The following CNTNAP2 variants were observed in gnomAD, a reference collection of about 807,000 sequenced individuals.
The protein encoded by CNTNAP2 is contactin-associated protein-like 2.
CNTNAP2 carries 98 observed loss-of-function variants against 155.2 expected under a neutral mutation model. The ratio of observed to expected loss-of-function variants is 0.63; its 90% CI spans 0.54 to 0.75. CNTNAP2 has a LOEUF of 0.75. Among genes scored for constraint, CNTNAP2 ranks in the 30% least tolerant of loss-of-function variants. CNTNAP2 has a pLI of 0.00. For synonymous variants in CNTNAP2, 651 were observed against 631.2 expected, an observed-to-expected ratio of 1.03 and a Z score of -0.47; for missense variants, 1,727 against 1,688.1, an observed-to-expected ratio of 1.02 and a Z score of -0.40.
At chr7:147,929,486 T>C (rs1388371156) in intron 14 of CNTNAP2, among the ~76,000 whole-genome samples, 2 of 152,176 alleles carry the variant, frequency 1.3e-5, no homozygotes, top group Non-Finnish European at 2.9e-5. Context: ...TATGAAATAA[T>C]GTGATTTAAA....
intron 10 of CNTNAP2, among the ~76,000 whole-genome samples, chr7:147,448,676 A>T (rs1002899474): frequency 6.6e-6 from 1 of 152,018 alleles, no homozygotes; most frequent in Non-Finnish European, 1.5e-5. Context: ...GGTCATATAC[A>T]TATACACAAC....
chr7:146,858,010 G>A lies in CNTNAP2; in HGVS notation c.402+18106G>A, dbSNP rs542739641. ...CACACTTATCAGAATAAGTTTGAAAGTGGAAAGAAAGAAGACGTGACATTA... is the reference window on the plus strand; with the variant it reads ...CACACTTATCAGAATAAGTTTGAAAATGGAAAGAAAGAAGACGTGACATTA... On this transcript the variant is annotated intron_variant, in intron 3 of 23. Coordinates refer to ENST00000361727, the MANE Select transcript of CNTNAP2 (RefSeq NM_014141.6). 2.0e-5 allele frequency among the ~76,000 whole-genome samples: 3 copies of A among 152,322 alleles called. No homozygotes were observed. The South Asian group carries it at 6.2e-4, about 32-fold the overall frequency.
intron 11 of CNTNAP2, among the ~76,000 whole-genome samples, chr7:147,523,332 A>G: frequency 6.6e-6 from 1 of 152,190 alleles, no homozygotes; most frequent in East Asian, 1.9e-4. Flanking sequence ...AGAGAGAATG[A>G]ATGCACAAAA....
At chr7:147,097,406 A>G (rs76993378) in intron 4 of CNTNAP2, 4,831 of 152,340 alleles carry the variant, frequency 0.032, 145 homozygotes, top group African/African-American at 0.075. Flanking sequence ...GGCACTTTAC[A>G]AAAGAAAGAG....
At chr7:146,255,702 G>T (rs1799826518) in intron 1 of CNTNAP2, among the ~76,000 whole-genome samples, 1 of 152,182 alleles carries the variant, frequency 6.6e-6, no homozygotes, top group Non-Finnish European at 1.5e-5. Flanking sequence ...TCGTTCAGAG[G>T]TGGTATAATT....
rs144881529 is a variant in CNTNAP2, at chr7:147,004,314, C to T, written c.403-39593C>T. On this transcript the variant is annotated intron_variant, in intron 3 of 23. Transcript: ENST00000361727. Reference sequence around the variant, plus strand: ...ATAGATTGGGATAATATAATTGAAACTTAAACAACAAATGAAATATTTATT... The same window carrying T: ...ATAGATTGGGATAATATAATTGAAATTTAAACAACAAATGAAATATTTATT... 7.8e-3 allele frequency among the ~76,000 whole-genome samples: 1,155 copies of T among 148,424 alleles called. 14 individuals carry two copies. Among genetic ancestry groups the T allele is most frequent in the African/African-American group, 0.028 (1,116 of 40,496 alleles).
chr7:148,263,771 T>G (rs961141038), intron 20 of CNTNAP2, among the ~76,000 whole-genome samples: 4 of 151,368 alleles, frequency 2.6e-5, no homozygotes, highest in Admixed American at 6.6e-5. Context: ...AAAGTTTATA[T>G]AAATAAATGT....
Position 147,118,869 on chromosome 7 carries a change from A to C in CNTNAP2, c.755-2110A>C, listed in dbSNP as rs73471032. 6.4e-3 allele frequency among the ~76,000 whole-genome samples: 977 copies of C among 152,320 alleles called. 9 individuals are homozygous for C. Among genetic ancestry groups the C allele is most frequent in the African/African-American group, 0.022 (932 of 41,582 alleles). On this transcript the variant is annotated intron_variant, in intron 5 of 23. Transcript: ENST00000361727. ...CATGACTGTTTGTGGAAAACATATG[A>C]AAGAAAATAGACCAAATTATTTTTA...
intron 1 of CNTNAP2, among the ~76,000 whole-genome samples, chr7:146,525,872 T>C: frequency 6.6e-6 from 1 of 152,122 alleles, no homozygotes; most frequent in Non-Finnish European, 1.5e-5. Context: ...CATGATAATG[T>C]TTGTCATAAA....
intron 5 of CNTNAP2, among the ~76,000 whole-genome samples, chr7:147,117,718 T>C (rs566047810): frequency 2.0e-5 from 3 of 152,276 alleles, no homozygotes; most frequent in Non-Finnish European, 4.4e-5. Context: ...TATATTAACT[T>C]TTATTACTTT....
At chr7:147,508,784 G>C (rs937157642) in intron 11 of CNTNAP2, among the ~76,000 whole-genome samples, 1 of 152,050 alleles carries the variant, frequency 6.6e-6, no homozygotes. Context: ...ACTCTCTCTT[G>C]CCTGACACTA....
At chr7:146,404,132 A>AAAAAAAAC (rs1554429085) in intron 1 of CNTNAP2, among the ~76,000 whole-genome samples, 1 of 150,222 alleles carries the variant, frequency 6.7e-6, no homozygotes, top group African/African-American at 2.5e-5. Context: ...CTCAAAAAAA[A>AAAAAAAAC]AAAAAAAAAA....
chr7:147,424,770 T>C (rs1797351873), intron 10 of CNTNAP2, among the ~76,000 whole-genome samples: 1 of 152,164 alleles, frequency 6.6e-6, no homozygotes, highest in Admixed American at 6.5e-5. Context: ...AAAATAAATG[T>C]TTCTCTCTCA....
At chr7:147,175,867 G>T (rs1404231482) in intron 8 of CNTNAP2, among the ~76,000 whole-genome samples, 4 of 152,112 alleles carry the variant, frequency 2.6e-5, no homozygotes, top group Non-Finnish European at 5.9e-5. Flanking sequence ...TCTATAATCA[G>T]CATCAATTTG....
At chr7:146,939,886 G>T (rs1303820317) in intron 3 of CNTNAP2, among the ~76,000 whole-genome samples, 1 of 129,610 alleles carries the variant, frequency 7.7e-6, no homozygotes, top group South Asian at 2.5e-4. Flanking sequence ...TGGCACAAAT[G>T]AGATTTTTTT....
At chr7:146,900,832 A>G (rs1795977244) in intron 3 of CNTNAP2, among the ~76,000 whole-genome samples, 2 of 152,124 alleles carry the variant, frequency 1.3e-5, no homozygotes, top group African/African-American at 4.8e-5. Context: ...ACCTGCACCG[A>G]GTCTCTTGGG....
chr7:146,312,301 G>T (rs1167797282), intron 1 of CNTNAP2, among the ~76,000 whole-genome samples: 1 of 152,078 alleles, frequency 6.6e-6, no homozygotes, highest in Non-Finnish European at 1.5e-5. Context: ...TTGATGAGAG[G>T]GTGAGAGTTA....
intron 11 of CNTNAP2, among the ~76,000 whole-genome samples, chr7:147,551,294 G>T (rs543167753): frequency 6.6e-6 from 1 of 152,154 alleles, no homozygotes; most frequent in East Asian, 1.9e-4. Context: ...ATTACAGTGC[G>T]AATAGTTTAA....
chr7:147,771,354 G>C (rs115231572), intron 13 of CNTNAP2, among the ~76,000 whole-genome samples: 1 of 152,180 alleles, frequency 6.6e-6, no homozygotes, highest in Non-Finnish European at 1.5e-5. Flanking sequence ...TGCATGAAAA[G>C]ATGCTACAAA....
Sources: gnomAD v4.1 joint callset for allele counts (sites outside exome capture counted in the v4.1 genomes callset) on GRCh38, gnomAD v4.1.1 for gene constraint, MANE v1.5 for transcripts, NCBI Gene and HGNC (gene_info 2026-07-23, HGNC 2026-07-21) for gene names.